ADAMTSL1: variants seen among roughly 807,000 people sequenced by gnomAD.
ADAMTSL1 encodes the protein ADAMTS like 1, also known as ADAMTS-like protein 1.
In ADAMTSL1, 126 loss-of-function variants were observed where a neutral mutation model predicts 201.8. That is an observed-to-expected ratio of 0.62 (90% CI 0.54 to 0.72). The LOEUF (loss-of-function observed/expected upper bound fraction) is 0.72, where lower values mean the gene tolerates loss of function less well. Among genes scored for constraint, ADAMTSL1 ranks in the 30% least tolerant of loss-of-function variants. The pLI, the probability that ADAMTSL1 is intolerant of heterozygous loss-of-function variation, is 0.00. For synonymous variants in ADAMTSL1, 1,121 were observed against 903.4 expected, an observed-to-expected ratio of 1.24 and a Z score of -4.32; for missense variants, 2,679 against 2,277.8, an observed-to-expected ratio of 1.18 and a Z score of -3.59.
At chr9:18,326,432 T>TAAA (rs35508872) in intron 2 of ADAMTSL1, among the ~76,000 whole-genome samples, 5,554 of 146,604 alleles carry the variant, frequency 0.038, 253 homozygotes, top group African/African-American at 0.12. Context: ...ATTTTTTACC[T>TAAA]AAAAAAAAAA....
At chr9:18,635,782 C>G (rs1441904057) in intron 5 of ADAMTSL1, among the ~76,000 whole-genome samples, 161 bp from the exon 6 acceptor site, 3 of 152,062 alleles carry the variant, frequency 2.0e-5, no homozygotes, top group African/African-American at 7.2e-5. Context: ...TTATTTTGAG[C>G]AAAGTGAAAA....
intron 2 of ADAMTSL1, among the ~76,000 whole-genome samples, chr9:18,251,160 C>T (rs538274729): frequency 6.6e-6 from 1 of 151,998 alleles, no homozygotes; most frequent in South Asian, 2.1e-4. Context: ...ACTGTAAAAA[C>T]TGAAAATGTG....
intron 1 of ADAMTSL1, among the ~76,000 whole-genome samples, chr9:18,023,560 C>A (rs985307861): frequency 6.6e-6 from 1 of 152,186 alleles, no homozygotes; most frequent in Non-Finnish European, 1.5e-5. Flanking sequence ...CTCATTAACA[C>A]TGAAACTTAC....
intron 2 of ADAMTSL1, among the ~76,000 whole-genome samples, chr9:18,407,963 CTG>C (rs972222907): frequency 5.3e-5 from 8 of 152,162 alleles, no homozygotes; most frequent in Admixed American, 2.6e-4. Context: ...ATAAAAAAGA[CTG>C]TAACATTTTT....
chr9:18,891,908 T>C (rs751586027), intron 25 of ADAMTSL1, among the ~76,000 whole-genome samples: 3 of 152,214 alleles, frequency 2.0e-5, no homozygotes, highest in Non-Finnish European at 4.4e-5. Context: ...TCTTACAAGT[T>C]TGAAGGCCAA....
At chr9:18,695,038 A>G (rs527862277) in intron 13 of ADAMTSL1, among the ~76,000 whole-genome samples, 81 of 152,348 alleles carry the variant, frequency 5.3e-4, no homozygotes, top group African/African-American at 1.9e-3. Flanking sequence ...TGCCTGAGAC[A>G]TATCTGGAGC....
intron 2 of ADAMTSL1, among the ~76,000 whole-genome samples, chr9:18,516,322 G>C (rs1171768435): frequency 6.6e-6 from 1 of 152,102 alleles, no homozygotes; most frequent in African/African-American, 2.4e-5. Context: ...ATATACAATG[G>C]GGGATGGACA....
rs970091172 is a variant in ADAMTSL1 at position 18,776,764 on chromosome 9, G to C, written c.2552-17G>C. The C allele has an allele frequency of 5.2e-6, 8 of 1,532,256 alleles. No homozygotes were observed. The highest frequency in any genetic ancestry group is 5.3e-6 in the Non-Finnish European group (6 of 1,141,670). 94.9% of individuals were successfully genotyped at this position (1,532,256 alleles called of 1,614,324 possible). ...CCCACCTCTTTCTCTGTCCCTTCGG[G>C]TTCGCTCTCCTTCCAGGGCCCGGGC... On this transcript the variant is annotated splice_polypyrimidine_tract_variant and intron_variant, in intron 18 of 28. Coordinates refer to ENST00000380548, the MANE Select transcript of ADAMTSL1 (RefSeq NM_001040272.6).
In ADAMTSL1 at chr9:18,777,822, T is replaced by C. The variant is rs1821153857; in HGVS notation, c.3593T>C (p.Val1198Ala). Residue 1198 changes from valine (V) to alanine (A), a missense_variant, in exon 19 of 29, where the codon GTT becomes GCT. By Grantham distance (64) the Val-to-Ala change is moderately conservative. Coordinates refer to ENST00000380548, the MANE Select transcript of ADAMTSL1 (RefSeq NM_001040272.6). ...TVALASGTLS[V>A]LLHCEAIGHP... The stretch of plus-strand genomic sequence containing the variant: ...GCCCTGGCCAGCGGGACACTGAGTG[T>C]TCTTCTGCACTGTGAGGCCATCGGC... 3 of 1,613,328 alleles carry C rather than the reference T, an allele frequency of 1.9e-6. No homozygotes were observed. Among genetic ancestry groups the C allele is most frequent in the Non-Finnish European group, 2.5e-6 (3 of 1,179,602 alleles).
At chr9:17,979,898 G>A (rs1368290466) in intron 1 of ADAMTSL1, among the ~76,000 whole-genome samples, 1 of 152,088 alleles carries the variant, frequency 6.6e-6, no homozygotes, top group Non-Finnish European at 1.5e-5. Flanking sequence ...GTTAATGGGT[G>A]GGTAGTCCTT....
At chr9:18,632,028 G>C (rs1826812363) in intron 5 of ADAMTSL1, among the ~76,000 whole-genome samples, 1 of 152,174 alleles carries the variant, frequency 6.6e-6, no homozygotes, top group African/African-American at 2.4e-5. Context: ...TGCCTTTGTA[G>C]GAAAGGGCAC....
At chr9:18,198,117 T>C (rs1829267463) in intron 2 of ADAMTSL1, among the ~76,000 whole-genome samples, 1 of 152,186 alleles carries the variant, frequency 6.6e-6, no homozygotes, top group African/African-American at 2.4e-5. Context: ...TCAAGATGGA[T>C]TGAAGGCTTA....
intron 1 of ADAMTSL1, among the ~76,000 whole-genome samples, chr9:18,144,308 C>T (rs932344843): frequency 1.3e-5 from 2 of 152,076 alleles, no homozygotes; most frequent in African/African-American, 2.4e-5. Context: ...CTGGTTCAAG[C>T]GATTACTCTG....
At chr9:18,162,296 C>G (rs1827425910) in intron 1 of ADAMTSL1, among the ~76,000 whole-genome samples, 1 of 151,986 alleles carries the variant, frequency 6.6e-6, no homozygotes, top group African/African-American at 2.4e-5. Flanking sequence ...CTGACTTCCT[C>G]TTCTCCCTCA....
intron 16 of ADAMTSL1, among the ~76,000 whole-genome samples, chr9:18,757,367 G>A (rs889830509): frequency 2.0e-5 from 3 of 151,794 alleles, no homozygotes; most frequent in Non-Finnish European, 2.9e-5. Flanking sequence ...ACCTCATAAG[G>A]GATCATATCC....
chr9:17,935,973 A>C (rs1200362805), intron 1 of ADAMTSL1, among the ~76,000 whole-genome samples: 1 of 152,134 alleles, frequency 6.6e-6, no homozygotes. Flanking sequence ...CCTCTCACCT[A>C]CCAGTTTCTC....
chr9:18,448,721 C>A (rs886356889), intron 2 of ADAMTSL1, among the ~76,000 whole-genome samples: 1 of 151,844 alleles, frequency 6.6e-6, no homozygotes, highest in South Asian at 2.1e-4. Flanking sequence ...GCTATCATAA[C>A]GTAGTATATT....
chr9:18,634,290 G>A (rs535012703), intron 5 of ADAMTSL1, among the ~76,000 whole-genome samples: 190 of 152,254 alleles, frequency 1.2e-3, no homozygotes, highest in Non-Finnish European at 2.2e-3. Flanking sequence ...CAGGCCAGGT[G>A]CAGTGGCTTA....
At chr9:18,389,219 G>T (rs1049139194) in intron 2 of ADAMTSL1, among the ~76,000 whole-genome samples, 1 of 150,116 alleles carries the variant, frequency 6.7e-6, no homozygotes, top group Non-Finnish European at 1.5e-5. Context: ...CAGAGTTTCA[G>T]ATTCTTTGCT....
Sources: gnomAD v4.1 joint callset for allele counts (sites outside exome capture counted in the v4.1 genomes callset) on GRCh38, gnomAD v4.1.1 for gene constraint, MANE v1.5 for transcripts, NCBI Gene and HGNC (gene_info 2026-07-23, HGNC 2026-07-21) for gene names.